SH2B1: variants seen among roughly 807,000 people sequenced by gnomAD.
SH2B1 encodes SH2B adaptor protein 1, also known as SH2B adapter protein 1.
Under a neutral mutation model 62.6 loss-of-function variants are expected in SH2B1, and 15 were observed. The ratio of observed to expected loss-of-function variants is 0.24; its 90% CI spans 0.16 to 0.37. SH2B1 has a LOEUF of 0.37. Among genes scored for constraint, SH2B1 ranks in the 10% least tolerant of loss-of-function variants. The pLI is 1.00. For synonymous variants in SH2B1, 443 were observed against 438.0 expected, an observed-to-expected ratio of 1.01 and a Z score of -0.14; for missense variants, 925 against 1,015.6, an observed-to-expected ratio of 0.91 and a Z score of 1.21.
At chr16:28,869,776 ACT>A (rs1962933689) in intron 4 of SH2B1, among the ~76,000 whole-genome samples, 1 of 151,692 alleles carries the variant, frequency 6.6e-6, no homozygotes, top group South Asian at 2.1e-4. Flanking sequence ...TTTTCTCTTG[ACT>A]CTGTACTTTT....
chr16:28,864,102 C>A lies in SH2B1; in HGVS notation c.-1993C>A. 1 of 1,241,970 alleles carries A rather than the reference C, an allele frequency of 8.1e-7. No individual in the cohort carries two copies. Among genetic ancestry groups the A allele is most frequent in the South Asian group, 1.9e-5 (1 of 53,784 alleles). The allele number at this position is 1,241,970 out of a possible 1,614,324, so 76.9% of individuals were successfully genotyped here. A position where few individuals can be genotyped will look rare whatever the true frequency, so the allele number is the denominator to read the frequency against. Reference sequence around the variant, plus strand: ...AGAGTGCAGCAGACAGGGCTGGTCCCGAGGTGGATGCGGCCCCGGAAAATG... The same window carrying A: ...AGAGTGCAGCAGACAGGGCTGGTCCAGAGGTGGATGCGGCCCCGGAAAATG... On this transcript the variant is annotated 5_prime_UTR_variant, in exon 1 of 8. Transcript: ENST00000684370.
rs767692997 is a variant in SH2B1, at chr16:28,865,096, A to AG, written c.-996dup. ...TTAACCAGAAGGCTAACCTGCCTTT[A>AG]GGGCATACTCCCCAGTGGGAGAAGA... On this transcript the variant is annotated 5_prime_UTR_variant, in exon 1 of 8. Coordinates refer to ENST00000684370, the MANE Select transcript of SH2B1 (RefSeq NM_001387430.1). The AG allele has an allele frequency of 7.2e-5, 71 of 985,438 alleles. No homozygotes were observed. The highest frequency in any genetic ancestry group is 8.3e-5 in the Non-Finnish European group (69 of 829,948). 61.0% of individuals were successfully genotyped at this position (985,438 alleles called of 1,614,324 possible). A position where few individuals can be genotyped will look rare whatever the true frequency, so the allele number is the denominator to read the frequency against.
intron 1 of SH2B1, among the ~76,000 whole-genome samples, chr16:28,857,366 C>G (rs1962342121): frequency 7.3e-6 from 1 of 137,924 alleles, no homozygotes; most frequent in Non-Finnish European, 1.5e-5. Context: ...TGTCCCCCAT[C>G]AGGTTCAGCA....
chr16:28,867,752 G>A (rs1234059171), intron 2 of SH2B1, among the ~76,000 whole-genome samples: 1 of 152,188 alleles, frequency 6.6e-6, no homozygotes, highest in African/African-American at 2.4e-5. Flanking sequence ...TCGAACTCCT[G>A]GGCTCAAGTG....
rs758165615 is a variant in SH2B1 at position 28,864,627 on chromosome 16, G to A, written c.-1468G>A. 1.4e-4 allele frequency: 139 copies of A among 985,408 alleles called. No individual in the cohort carries two copies. The highest frequency in any genetic ancestry group is 1.6e-4 in the Non-Finnish European group (134 of 830,006). The allele number at this position is 985,408 out of a possible 1,614,324, so 61.0% of individuals were successfully genotyped here. On this transcript the variant is annotated 5_prime_UTR_variant, in exon 1 of 8. Coordinates refer to ENST00000684370, the MANE Select transcript of SH2B1 (RefSeq NM_001387430.1). ...AGTCTGAGGTCGCTGAGGGTTTGGG[G>A]AGGCTTTCCTGAGCTGCTCTGGCCC...
At chr16:28,848,580 T>C (rs2152150792) in intron 1 of SH2B1, among the ~76,000 whole-genome samples, 1 of 151,694 alleles carries the variant, frequency 6.6e-6, no homozygotes, top group South Asian at 2.1e-4. Context: ...TATTATTTCC[T>C]CCATTTTGCA....
At chr16:28,863,642 C>A (rs1433522865), upstream of SH2B1, 6 of 1,524,108 alleles carry the variant, frequency 3.9e-6, no homozygotes, top group East Asian at 1.5e-4. Flanking sequence ...AAGCACTTCC[C>A]CCGCTGCGTC....
rs1962695036 is a variant in SH2B1, at chr16:28,866,385, T to A, written c.291T>A (p.Pro97=). ...LSPPILAPLS[P]GAEISPHDLS... Reference sequence around the variant, plus strand: ...CACCCATCCTGGCTCCCCTGAGCCCTGGTGCGGAGATTTCGCCACATGACC... The same window carrying A: ...CACCCATCCTGGCTCCCCTGAGCCCAGGTGCGGAGATTTCGCCACATGACC... The change falls in exon 1 of 8, where the codon CCT becomes CCA. Residue 97 remains proline, a synonymous_variant. Transcript: ENST00000684370. This position sits in a 1 kb window ranked among gnomAD's most constrained non-coding sequence, Gnocchi z 6.3. 6.2e-7 allele frequency: 1 copy of A among 1,613,586 alleles called. No individual in the cohort carries two copies. The highest frequency in any genetic ancestry group is 1.3e-5 in the African/African-American group (1 of 74,910).
chr16:28,871,978 C>G lies in SH2B1; in HGVS notation c.1508C>G (p.Ala503Gly), dbSNP rs1330494635. 2 of 1,594,022 alleles carry G rather than the reference C, an allele frequency of 1.3e-6. No homozygotes were observed. Among genetic ancestry groups the G allele is most frequent in the Non-Finnish European group, 1.7e-6 (2 of 1,162,320 alleles). Reference sequence around the variant, plus strand: ...CCTCCCTTGGACACTCCGGAAACAGCCACAGGTACCGGAGGTGTGAGTGTG... The same window carrying G: ...CCTCCCTTGGACACTCCGGAAACAGGCACAGGTACCGGAGGTGTGAGTGTG... ...PYPPLDTPET[A>G]TGSFLFQGEP... Residue 503 changes from alanine (A) to glycine (G), a missense_variant, in exon 5 of 8, where the codon GCC becomes GGC. Ala to Gly is a moderately conservative substitution (Grantham distance 60). Transcript: ENST00000684370.
chr16:28,866,836 C>A lies in SH2B1; in HGVS notation c.742C>A (p.Gln248Lys). 6.3e-7 allele frequency: 1 copy of A among 1,599,670 alleles called. No individual in the cohort carries two copies. ...CTTGAAGGATGGAGCAGGGATGGTGCAGAGGGAAGAGCTGCTGAGTTTCAT... is the reference window on the plus strand; with the variant it reads ...CTTGAAGGATGGAGCAGGGATGGTGAAGAGGGAAGAGCTGCTGAGTTTCAT... ...GALKDGAGMV[Q>K]REELLSFMGA... Residue 248 changes from glutamine (Q) to lysine (K), a missense_variant, in exon 1 of 8, where the codon CAG (glutamine) becomes AAG (lysine). By Grantham distance (53) the Gln-to-Lys change is moderately conservative (BLOSUM62 1). Coordinates refer to ENST00000684370, the MANE Select transcript of SH2B1 (RefSeq NM_001387430.1). The surrounding 1 kb of genome is among the most constrained non-coding windows in gnomAD (Gnocchi z 6.3).
chr16:28,863,513 C>T, upstream of SH2B1: 2 of 633,686 alleles, frequency 3.2e-6, no homozygotes, highest in Non-Finnish European at 5.2e-6. Flanking sequence ...TTCCGGTGCT[C>T]GGCGGCTACT....
chr16:28,857,247 C>G (rs1413335040), intron 1 of SH2B1, among the ~76,000 whole-genome samples: 1 of 150,728 alleles, frequency 6.6e-6, no homozygotes, highest in African/African-American at 2.4e-5. Flanking sequence ...TGCATCACTG[C>G]ACTCCAGTCT....
rs372247168 is a variant in SH2B1, at chr16:28,869,276, G to A, written c.1202G>A (p.Arg401Lys). The A allele has an allele frequency of 1.6e-5, 26 of 1,614,040 alleles. No homozygotes were observed. The highest frequency in any genetic ancestry group is 2.1e-5 in the Non-Finnish European group (25 of 1,180,040). The stretch of plus-strand genomic sequence containing the variant: ...GCCCCTGGGACCTCATTCCTTACAA[G>A]GGAGAACACAGACAGCCTGGAGCTG... The part of the protein sequence containing the change: ...PLAPGTSFLT[R>K]ENTDSLELSC... The change falls in exon 4 of 8, where the codon AGG becomes AAG. Residue 401 changes from arginine to lysine, a missense_variant. Arg to Lys is a conservative substitution (Grantham distance 26). Transcript: ENST00000684370.
In SH2B1 at chr16:28,869,319, G is replaced by A. The variant is rs752866915; in HGVS notation, c.1245G>A (p.Ser415=). ...DSLELSCLNH[S]ESLPSQDLLL... is the part of the protein sequence containing the mutation. ...TGGAGCTGTCCTGCCTGAATCACTC[G>A]GAGAGTCTACCCAGCCAGGACCTGC... The change falls in exon 4 of 8, where the codon TCG becomes TCA. Residue 415 remains serine (S), a synonymous_variant. Coordinates refer to ENST00000684370, the MANE Select transcript of SH2B1 (RefSeq NM_001387430.1). 57 of 1,613,988 alleles carry A rather than the reference G, an allele frequency of 3.5e-5. No individual in the cohort carries two copies. The highest frequency in any genetic ancestry group is 1.3e-4 in the Admixed American group (8 of 59,980).
In SH2B1 at chr16:28,873,882, G is replaced by A. The variant is rs1244601449; in HGVS notation, c.*62G>A. On this transcript the variant is annotated 3_prime_UTR_variant, in exon 8 of 8. Transcript: ENST00000684370. The surrounding 1 kb of genome is among the most constrained non-coding windows in gnomAD (Gnocchi z 4.2). ...AGCCCTGCTCGTGAGATTGGGCTGG[G>A]TAGGGACAGAGGAGGCCGAAATCCC... 6 of 1,375,532 alleles carry A rather than the reference G, an allele frequency of 4.4e-6. No individual in the cohort carries two copies. The highest frequency in any genetic ancestry group is 1.8e-5 in the South Asian group (1 of 56,368). The allele number at this position is 1,375,532 out of a possible 1,614,324, so 85.2% of individuals were successfully genotyped here.
chr16:28,859,390 A>T (rs1196545550), upstream of SH2B1, among the ~76,000 whole-genome samples: 1 of 152,170 alleles, frequency 6.6e-6, no homozygotes, highest in Non-Finnish European at 1.5e-5. Context: ...TAAATGACAA[A>T]AGATCACTGG....
upstream of SH2B1, chr16:28,863,122 G>T: frequency 6.6e-6 from 1 of 151,920 alleles, no homozygotes; most frequent in Non-Finnish European, 1.5e-5. Context: ...GTAGAGACGG[G>T]GTTTCACCAT....
Position 28,872,077 on chromosome 16 carries a change from T to C in SH2B1, c.1513+94T>C, listed in dbSNP as rs770991640. On this transcript the variant is annotated intron_variant, in intron 5 of 7. Coordinates refer to ENST00000684370, the MANE Select transcript of SH2B1 (RefSeq NM_001387430.1). This position sits in a 1 kb window ranked among gnomAD's most constrained non-coding sequence, Gnocchi z 5.3. Reference sequence around the variant, plus strand: ...TCCCGAGGGAGCTGGCCCAGGGGAGTTGGGGACGCATGTGGGGAGCAGGCG... The same window carrying C: ...TCCCGAGGGAGCTGGCCCAGGGGAGCTGGGGACGCATGTGGGGAGCAGGCG... 3.3e-5 allele frequency: 44 copies of C among 1,344,724 alleles called. No homozygotes were observed. The highest frequency in any genetic ancestry group is 4.7e-5 in the Non-Finnish European group (44 of 945,834). 83.3% of individuals were successfully genotyped at this position (1,344,724 alleles called of 1,614,324 possible).
rs760104429 is a variant in SH2B1, at chr16:28,872,195, T to G, written c.1519T>G (p.Phe507Val). The change falls in exon 6 of 8, where the codon TTC (phenylalanine) becomes GTC (valine). Residue 507 changes from phenylalanine to valine, a missense_variant. By Grantham distance (50) the Phe-to-Val change is conservative (BLOSUM62 -1). Around this residue, in one of 3 missense-constraint regions of SH2B1, gnomAD observed 683 missense variants for 704.0 expected, o/e 0.97. Transcript: ENST00000684370. This position sits in a 1 kb window ranked among gnomAD's most constrained non-coding sequence, Gnocchi z 5.3. ...LDTPETATGS[F>V]LFQGEPEGGE... is the part of the protein sequence containing the mutation. ...TCCCTCTCTCCTTCCTGAAGGGTCC[T>G]TCCTGTTCCAGGGGGAGCCAGAGGG... The G allele has an allele frequency of 6.2e-7, 1 of 1,612,868 alleles. No individual in the cohort carries two copies. Among genetic ancestry groups the G allele is most frequent in the Admixed American group, 1.7e-5 (1 of 59,970 alleles).
Sources: gnomAD v4.1 joint callset for allele counts (sites outside exome capture counted in the v4.1 genomes callset) on GRCh38, gnomAD v4.1.1 for gene constraint, gnomAD v4.1.1 regional missense constraint, Gnocchi (gnomAD v3.1) non-coding constraint, MANE v1.5 for transcripts, NCBI Gene and HGNC (gene_info 2026-07-23, HGNC 2026-07-21) for gene names.